GALNT13: variants seen among roughly 807,000 people sequenced by gnomAD.
The protein encoded by GALNT13 is polypeptide N-acetylgalactosaminyltransferase 13.
Under a neutral mutation model 64.2 loss-of-function variants are expected in GALNT13, and 28 were observed. That is an observed-to-expected ratio of 0.44 (90% confidence interval 0.32 to 0.60). The LOEUF is 0.60. GALNT13 is among the 20% of genes least tolerant of loss of function. The pLI is 0.05. For synonymous variants in GALNT13, 214 were observed against 224.6 expected (o/e 0.95, Z 0.42); for missense variants, 577 against 669.8 (o/e 0.86, Z 1.53).
At chr2:154,167,798 G>C (rs1685119190) in intron 4 of GALNT13, among the ~76,000 whole-genome samples, 1 of 152,170 alleles carries the variant, frequency 6.6e-6, no homozygotes, top group African/African-American at 2.4e-5. Flanking sequence ...CCTTGCTTGG[G>C]GGGCGAGAAC....
the GALNT13 span, among the ~76,000 whole-genome samples, chr2:153,722,764 A>G: frequency 6.6e-6 from 1 of 152,310 alleles, no homozygotes; most frequent in East Asian, 1.9e-4. Flanking sequence ...GAAGAAGTTG[A>G]ATCTCTGAAT....
intron 2 of GALNT13, among the ~76,000 whole-genome samples, chr2:153,936,128 A>G (rs961074738): frequency 1.3e-5 from 2 of 152,224 alleles, no homozygotes; most frequent in African/African-American, 4.8e-5. Context: ...TCGCAGATTC[A>G]AGTAACCTTG....
the GALNT13 span, among the ~76,000 whole-genome samples, chr2:153,306,337 T>C: frequency 6.6e-6 from 1 of 152,224 alleles, no homozygotes; most frequent in African/African-American, 2.4e-5. Context: ...TGTCAGAATG[T>C]ATTTAGTGTG....
chr2:154,082,921 T>G (rs536185505), intron 3 of GALNT13, among the ~76,000 whole-genome samples: 17 of 152,104 alleles, frequency 1.1e-4, no homozygotes, highest in African/African-American at 3.9e-4. Context: ...TTTAATTAGA[T>G]CCCATTTGTC....
At chr2:153,558,872 C>T in the GALNT13 span, among the ~76,000 whole-genome samples, 1 of 152,130 alleles carries the variant, frequency 6.6e-6, no homozygotes, top group Non-Finnish European at 1.5e-5. Flanking sequence ...GGTTTGTGGA[C>T]ACTGGAAATT....
chr2:153,296,805 T>A, the GALNT13 span, among the ~76,000 whole-genome samples: 59 of 152,208 alleles, frequency 3.9e-4, 1 homozygote, highest in East Asian at 0.01. Context: ...AATTTTTTTT[T>A]ATCAAGGAAA....
At chr2:154,055,515 A>C (rs999023079) in intron 3 of GALNT13, among the ~76,000 whole-genome samples, 3 of 152,132 alleles carry the variant, frequency 2.0e-5, no homozygotes, top group African/African-American at 7.2e-5. Context: ...GTAAGCAGGT[A>C]ATTATAAGAT....
the GALNT13 span, among the ~76,000 whole-genome samples, chr2:153,207,281 G>C: frequency 1.3e-5 from 2 of 151,992 alleles, no homozygotes; most frequent in Admixed American, 6.5e-5. Context: ...ATATTTATCA[G>C]TCCCCTGTAG....
intron 3 of GALNT13, among the ~76,000 whole-genome samples, chr2:153,981,122 A>C (rs1422457604): frequency 1.3e-5 from 2 of 152,178 alleles, no homozygotes; most frequent in African/African-American, 4.8e-5. Context: ...ATTATCTCCA[A>C]AATTATTTCT....
At chr2:153,855,428 A>C in the GALNT13 span, among the ~76,000 whole-genome samples, 1 of 152,230 alleles carries the variant, frequency 6.6e-6, no homozygotes, top group Non-Finnish European at 1.5e-5. Context: ...TGGGCAAATT[A>C]CCTGGCTAGG....
chr2:154,312,003 A>G (rs1021815499), intron 9 of GALNT13, among the ~76,000 whole-genome samples: 12 of 152,102 alleles, frequency 7.9e-5, no homozygotes, highest in South Asian at 2.1e-4. Flanking sequence ...TCAAACACAC[A>G]TGCTGTACAA....
the GALNT13 span, among the ~76,000 whole-genome samples, chr2:153,196,880 G>T: frequency 2.0e-5 from 3 of 152,132 alleles, no homozygotes; most frequent in Non-Finnish European, 2.9e-5. Context: ...ACTTGTCCCT[G>T]CTCCTGCTGC....
the GALNT13 span, among the ~76,000 whole-genome samples, chr2:153,659,854 T>C: frequency 1.3e-5 from 2 of 152,152 alleles, no homozygotes; most frequent in Non-Finnish European, 1.5e-5. Context: ...AGGCTTGTGA[T>C]ATAATATGAA....
chr2:153,872,964 T>G (rs941554178), intron 1 of GALNT13, among the ~76,000 whole-genome samples: 7 of 152,166 alleles, frequency 4.6e-5, no homozygotes, highest in East Asian at 1.9e-4. Context: ...TTATTCTGTT[T>G]CCCTCTTTCT....
the GALNT13 span, among the ~76,000 whole-genome samples, chr2:153,303,853 C>T: frequency 6.6e-6 from 1 of 152,006 alleles, no homozygotes; most frequent in Non-Finnish European, 1.5e-5. Flanking sequence ...AGACTAGATA[C>T]CCCAAGAGAT....
intron 4 of GALNT13, among the ~76,000 whole-genome samples, chr2:154,183,641 A>C (rs1573828465): frequency 6.6e-6 from 1 of 152,168 alleles, no homozygotes; most frequent in East Asian, 1.9e-4. Context: ...GAGCCCAGGA[A>C]GTAAAGGCTG....
At chr2:153,110,712 T>G in the GALNT13 span, among the ~76,000 whole-genome samples, 1 of 152,096 alleles carries the variant, frequency 6.6e-6, no homozygotes, top group African/African-American at 2.4e-5. Context: ...TGTATGCGAT[T>G]ATAACTGAGG....
chr2:153,932,876 C>T (rs1026583058), intron 2 of GALNT13, among the ~76,000 whole-genome samples: 8 of 152,000 alleles, frequency 5.3e-5, no homozygotes, highest in Non-Finnish European at 7.4e-5. Flanking sequence ...GGTCCTCCTG[C>T]GTTGCCTTCC....
chr2:153,439,468 C>G, the GALNT13 span, among the ~76,000 whole-genome samples: 1 of 152,206 alleles, frequency 6.6e-6, no homozygotes, highest in African/African-American at 2.4e-5. Context: ...GGGCTCCACC[C>G]AGTTCGAGCT....
Sources: allele counts gnomAD v4.1 joint callset (sites outside exome capture counted in the v4.1 genomes callset), GRCh38; gene constraint gnomAD v4.1.1; transcripts MANE v1.5; gene names NCBI Gene and HGNC (gene_info 2026-07-23, HGNC 2026-07-21).